Variants in BRF1 observed in about 807,000 individuals in gnomAD.
BRF1 encodes the protein transcription factor IIIB 90 kDa subunit.
In BRF1, 59 loss-of-function variants were observed where a neutral mutation model predicts 81.7. The observed-to-expected ratio is 0.72, with a 90% CI of 0.59 to 0.90. The LOEUF is 0.90. BRF1 is among the 40% of genes least tolerant of loss of function. BRF1 has a pLI of 0.00. For synonymous variants in BRF1, 491 were observed against 395.6 expected, an observed-to-expected ratio of 1.24 and a Z score of -2.86; for missense variants, 1,050 against 936.3, an observed-to-expected ratio of 1.12 and a Z score of -1.58.
At chr14:105,212,257 T>C (rs779906095) in intron 15 of BRF1, 93 bp from the exon 16 acceptor site, 32 of 1,485,460 alleles carry the variant, frequency 2.2e-5, no homozygotes, top group Non-Finnish European at 2.8e-5. Context: ...TTCCCAGTGT[T>C]AATTGACTGT....
rs150223827 is a variant in BRF1 at position 105,226,317 on chromosome 14, C to G, written c.916-27G>C. On this transcript the variant is annotated intron_variant, in intron 8 of 17. Coordinates refer to ENST00000547530, the MANE Select transcript of BRF1 (RefSeq NM_001519.4). ...TGAAAGGGAACAGGGCAAGAGGCTTCGTGAAGGGAGGCCCTGGTGCACAGC... is the reference window on the plus strand; with the variant it reads ...TGAAAGGGAACAGGGCAAGAGGCTTGGTGAAGGGAGGCCCTGGTGCACAGC... 5.0e-5 allele frequency: 80 copies of G among 1,613,928 alleles called. 1 individual carries two copies. The East Asian group carries it at 1.7e-3, about 34-fold the overall frequency.
chr14:105,214,812 G>C (rs587725105), intron 15 of BRF1, among the ~76,000 whole-genome samples: 1 of 152,182 alleles, frequency 6.6e-6, no homozygotes, highest in Non-Finnish European at 1.5e-5. Context: ...CTCCTTGATG[G>C]TCCCTCCCCA....
At chr14:105,252,089 C>A (rs2055647154) in intron 5 of BRF1, among the ~76,000 whole-genome samples, 1 of 152,196 alleles carries the variant, frequency 6.6e-6, no homozygotes, top group Non-Finnish European at 1.5e-5. Flanking sequence ...CTTGTCCACA[C>A]AAGATGCTCC....
At chr14:105,247,707 A>G (rs1478119969) in intron 5 of BRF1, 1 of 985,350 alleles carries the variant, frequency 1.0e-6, no homozygotes, top group Non-Finnish European at 1.2e-6. Flanking sequence ...TTAAAAGTCT[A>G]AAGCCTGGCG....
At chr14:105,221,328 T>A (rs1408450575) in intron 11 of BRF1, among the ~76,000 whole-genome samples, 1 of 152,052 alleles carries the variant, frequency 6.6e-6, no homozygotes, top group Non-Finnish European at 1.5e-5. Flanking sequence ...GGATGAGGGG[T>A]GGAGCTGCCC....
chr14:105,227,150 T>C (rs1893241858), intron 7 of BRF1: 2 of 234,352 alleles, frequency 8.5e-6, no homozygotes, highest in Admixed American at 1.2e-4. Context: ...CCAGGTGCTG[T>C]GGCTCATGCC....
chr14:105,288,754 C>T (rs1293510232), intron 1 of BRF1, among the ~76,000 whole-genome samples: 1 of 151,294 alleles, frequency 6.6e-6, no homozygotes, highest in African/African-American at 2.4e-5. Flanking sequence ...CTGCCTCAGC[C>T]TCCCGAGTAG....
chr14:105,248,647 T>C (rs1371477394), intron 5 of BRF1: 1 of 978,228 alleles, frequency 1.0e-6, no homozygotes, highest in African/African-American at 1.8e-5. Flanking sequence ...TCGGGCAGGG[T>C]CGCAGGGGCG....
intron 12 of BRF1, 196 bp from the exon 13 acceptor site, chr14:105,219,428 C>T (rs936776554): frequency 8.3e-7 from 1 of 1,211,342 alleles, no homozygotes; most frequent in Non-Finnish European, 1.1e-6. Flanking sequence ...TGGCCTGTCC[C>T]AAGGCCAACC....
At chr14:105,314,274 G>A (rs1234224956) in intron 1 of BRF1, 1 of 151,960 alleles carries the variant, frequency 6.6e-6, no homozygotes, top group East Asian at 1.9e-4. Context: ...GGCGAGGGCA[G>A]GGGGGCGGGG....
chr14:105,286,122 G>C (rs587738703), intron 2 of BRF1, among the ~76,000 whole-genome samples, 174 bp downstream of exon 2: 20 of 152,352 alleles, frequency 1.3e-4, no homozygotes, highest in African/African-American at 4.8e-4. Context: ...GGACACCCAG[G>C]AGGGGACTCA....
chr14:105,223,968 T>C (rs138188607), intron 10 of BRF1, among the ~76,000 whole-genome samples: 1 of 152,212 alleles, frequency 6.6e-6, no homozygotes, highest in Non-Finnish European at 1.5e-5. Context: ...CCGCACCCAA[T>C]AGTTTAACGA....
intron 2 of BRF1, among the ~76,000 whole-genome samples, chr14:105,275,461 C>G (rs2056843025): frequency 6.6e-6 from 1 of 152,254 alleles, no homozygotes; most frequent in African/African-American, 2.4e-5. Context: ...CTGCCACCTG[C>G]ACATGTGCAG....
chr14:105,247,182 T>C (rs1195175557), intron 5 of BRF1: 1 of 985,356 alleles, frequency 1.0e-6, no homozygotes, highest in Admixed American at 6.1e-5. Flanking sequence ...TCGGTGGGTG[T>C]GTCCTTGGCG....
At chr14:105,313,001 G>T (rs1431492057) in intron 1 of BRF1, among the ~76,000 whole-genome samples, 1 of 152,188 alleles carries the variant, frequency 6.6e-6, no homozygotes, top group Non-Finnish European at 1.5e-5. Flanking sequence ...GGATGGGACA[G>T]AACTGTCACG....
chr14:105,282,155 T>C (rs1431918302), intron 2 of BRF1, among the ~76,000 whole-genome samples: 2 of 152,174 alleles, frequency 1.3e-5, no homozygotes, highest in Admixed American at 6.5e-5. Context: ...CCACATTCCA[T>C]GGGGTGCCTG....
At chr14:105,241,686 G>A in intron 5 of BRF1, 3 of 515,962 alleles carry the variant, frequency 5.8e-6, no homozygotes, top group Non-Finnish European at 1.1e-5. Flanking sequence ...TGGCCGCCCT[G>A]CTCAGGACAC....
chr14:105,297,863 G>A (rs1049471012), intron 1 of BRF1, among the ~76,000 whole-genome samples: 1 of 152,204 alleles, frequency 6.6e-6, no homozygotes, highest in Non-Finnish European at 1.5e-5. Flanking sequence ...GGGCGTGGTG[G>A]CGGTCGCCTG....
At chr14:105,282,285 G>A (rs587640060) in intron 2 of BRF1, among the ~76,000 whole-genome samples, 2 of 152,300 alleles carry the variant, frequency 1.3e-5, no homozygotes, top group South Asian at 4.1e-4. Context: ...CTGTGACCTC[G>A]CAGGGTGCAC....
Sources: gnomAD v4.1 joint callset for allele counts (sites outside exome capture counted in the v4.1 genomes callset) on GRCh38, gnomAD v4.1.1 for gene constraint, MANE v1.5 for transcripts, NCBI Gene and HGNC (gene_info 2026-07-23, HGNC 2026-07-21) for gene names.